INSYN2B: variants seen among roughly 807,000 people sequenced by gnomAD.
INSYN2B encodes protein INSYN2B.
In INSYN2B, 16 loss-of-function variants were observed where a neutral mutation model predicts 41.2. That is an observed-to-expected ratio of 0.39 (90% CI 0.26 to 0.59). The LOEUF (loss-of-function observed/expected upper bound fraction) is 0.59, where lower values mean the gene tolerates loss of function less well. Among genes scored for constraint, INSYN2B ranks in the 20% least tolerant of loss-of-function variants. The pLI is 0.57. For missense variants in INSYN2B, 608 were observed against 646.4 expected, an observed-to-expected ratio of 0.94 and a Z score of 0.64; for synonymous variants, 245 against 244.4, an observed-to-expected ratio of 1.00 and a Z score of -0.02.
At chr5:169,881,170 A>T (rs867161545) in intron 3 of INSYN2B, among the ~76,000 whole-genome samples, 198 bp downstream of exon 3, 2 of 152,240 alleles carry the variant, frequency 1.3e-5, no homozygotes, top group South Asian at 4.1e-4. Context: ...AGGGATGATT[A>T]CATCAAAAGG....
intron 1 of INSYN2B, among the ~76,000 whole-genome samples, chr5:169,904,385 CT>C (rs1401476582): frequency 1.2e-4 from 19 of 152,182 alleles, no homozygotes; most frequent in Non-Finnish European, 2.5e-4. Context: ...CTTGTTCTCT[CT>C]AAATCACCTA....
chr5:169,947,656 A>C (rs1458781554), intron 1 of INSYN2B, among the ~76,000 whole-genome samples: 4 of 152,222 alleles, frequency 2.6e-5, no homozygotes, highest in Non-Finnish European at 5.9e-5. Flanking sequence ...GAATATCCCC[A>C]AAAATGTAAA....
At chr5:169,946,614 GA>G (rs1203048418) in intron 1 of INSYN2B, among the ~76,000 whole-genome samples, 13 of 152,252 alleles carry the variant, frequency 8.5e-5, no homozygotes, top group Admixed American at 5.9e-4. Flanking sequence ...GTCTACTGAG[GA>G]CTCATTGTGT....
intron 1 of INSYN2B, among the ~76,000 whole-genome samples, chr5:169,939,997 A>G (rs1278657431): frequency 6.6e-6 from 1 of 152,214 alleles, no homozygotes; most frequent in African/African-American, 2.4e-5. Flanking sequence ...GTCATCTTTC[A>G]GATCTTACCT....
At chr5:169,953,142 C>G (rs1249680339) in intron 1 of INSYN2B, among the ~76,000 whole-genome samples, 1 of 151,880 alleles carries the variant, frequency 6.6e-6, no homozygotes, top group Non-Finnish European at 1.5e-5. Flanking sequence ...GCCAACATGG[C>G]GAAACCCTGT....
chr5:169,944,854 G>A (rs936601617), intron 1 of INSYN2B, among the ~76,000 whole-genome samples: 2 of 152,162 alleles, frequency 1.3e-5, no homozygotes, highest in Non-Finnish European at 2.9e-5. Context: ...TCTGCCTTGT[G>A]GGCTCCAGTT....
At position 169,883,733 on chromosome 5, in the gene INSYN2B, C is replaced by T. The variant is rs200178689; in HGVS notation, c.166G>A (p.Val56Ile). 3.8e-4 allele frequency: 594 copies of T among 1,551,550 alleles called. No individual in the cohort carries two copies. Among genetic ancestry groups the T allele is most frequent in the Non-Finnish European group, 4.9e-4 (562 of 1,146,924 alleles). Reference sequence around the variant, plus strand: ...ACAGCCGGGTCTTCTGGAGTTTGGACGTCAACCTCAGCTAGGCCAGTTGGA... The same window carrying T: ...ACAGCCGGGTCTTCTGGAGTTTGGATGTCAACCTCAGCTAGGCCAGTTGGA... Reference protein sequence around the residue: ...KNPTGLAEVDVQTPEDPAVMG... With the variant: ...KNPTGLAEVDIQTPEDPAVMG... Residue 56 changes from valine to isoleucine, a missense_variant, in exon 2 of 4, where the codon GTC becomes ATC. Physicochemically the swap from Val to Ile is conservative, Grantham distance 29. Coordinates refer to ENST00000377365, the MANE Select transcript of INSYN2B (RefSeq NM_001129891.3).
chr5:169,934,856 T>C (rs259901), intron 1 of INSYN2B: 42,300 of 382,530 alleles, frequency 0.11, 3,251 homozygotes, highest in African/African-American at 0.3. Context: ...TAAAGCATTA[T>C]ACATTGCCAA....
intron 1 of INSYN2B, among the ~76,000 whole-genome samples, chr5:169,972,813 A>T (rs1777572832): frequency 6.6e-6 from 1 of 152,214 alleles, no homozygotes. Flanking sequence ...ATGTGGACTA[A>T]GAATTACACC....
At chr5:169,893,192 G>A (rs1773395427) in intron 1 of INSYN2B, among the ~76,000 whole-genome samples, 1 of 152,214 alleles carries the variant, frequency 6.6e-6, no homozygotes, top group Non-Finnish European at 1.5e-5. Context: ...CACCTGCCCT[G>A]TAGGGACAAT....
At chr5:169,953,873 G>A (rs529418249) in intron 1 of INSYN2B, among the ~76,000 whole-genome samples, 5 of 152,268 alleles carry the variant, frequency 3.3e-5, no homozygotes, top group South Asian at 2.1e-4. Context: ...TACTTGTTCC[G>A]AGTTAGTTTC....
Position 169,884,037 on chromosome 5 carries a change from A to G in INSYN2B, c.-139T>C, listed in dbSNP as rs965029063. On this transcript the variant is annotated 5_prime_UTR_variant, in exon 2 of 4. Coordinates refer to ENST00000377365, the MANE Select transcript of INSYN2B (RefSeq NM_001129891.3). The stretch of plus-strand genomic sequence containing the variant: ...GATGGAGTGGTCCTCTCCTCTTAGT[A>G]TGGGAAATCCTGTTGGCCATTCCCA... 6 of 735,732 alleles carry G rather than the reference A, an allele frequency of 8.2e-6. No individual in the cohort carries two copies. Among genetic ancestry groups the G allele is most frequent in the African/African-American group, 5.3e-5 (3 of 56,862 alleles). 45.6% of individuals were successfully genotyped at this position (735,732 alleles called of 1,614,324 possible).
At position 169,882,480 on chromosome 5, in the gene INSYN2B, A is replaced by G. The variant is rs549690824; in HGVS notation, c.1346+73T>C. 5 of 1,306,400 alleles carry G rather than the reference A, an allele frequency of 3.8e-6. No homozygotes were observed. In the South Asian group the frequency reaches 6.2e-5, roughly 16 times the overall value. The allele number at this position is 1,306,400 out of a possible 1,614,324, so 80.9% of individuals were successfully genotyped here. Reference sequence around the variant, plus strand: ...GAGACATTTTTACTAAAAGAAACCAAAGCTGTCTCTGCCCCTGTGTTGGCA... The same window carrying G: ...GAGACATTTTTACTAAAAGAAACCAGAGCTGTCTCTGCCCCTGTGTTGGCA... On this transcript the variant is annotated intron_variant, in intron 2 of 3. Coordinates refer to ENST00000377365, the MANE Select transcript of INSYN2B (RefSeq NM_001129891.3).
chr5:169,895,864 A>T (rs936554738), intron 1 of INSYN2B, among the ~76,000 whole-genome samples: 1 of 152,200 alleles, frequency 6.6e-6, no homozygotes, highest in African/African-American at 2.4e-5. Flanking sequence ...CATAATAGAT[A>T]TAGTAAGAAT....
At chr5:169,944,263 C>T (rs1448636194) in intron 1 of INSYN2B, among the ~76,000 whole-genome samples, 1 of 152,204 alleles carries the variant, frequency 6.6e-6, no homozygotes, top group Non-Finnish European at 1.5e-5. Context: ...TTCCTGTGAC[C>T]TGCCCATGCA....
At position 169,869,697 on chromosome 5, in the gene INSYN2B, C is replaced by G. The variant is rs144663340; in HGVS notation, c.1422-5238G>C. 9.4e-3 allele frequency among the ~76,000 whole-genome samples: 1,430 copies of G among 152,252 alleles called. 21 individuals carry two copies. Among genetic ancestry groups the G allele is most frequent in the African/African-American group, 0.033 (1,355 of 41,550 alleles). Reference sequence around the variant, plus strand: ...ACCCCTTGCAAAAAGGAGTAAGTTGCCAACTTGGTGAAAATTGAAGTTAAT... The same window carrying G: ...ACCCCTTGCAAAAAGGAGTAAGTTGGCAACTTGGTGAAAATTGAAGTTAAT... On this transcript the variant is annotated intron_variant, in intron 3 of 3. Transcript: ENST00000377365.
At chr5:169,955,645 A>G (rs1453164830) in intron 1 of INSYN2B, among the ~76,000 whole-genome samples, 2 of 152,238 alleles carry the variant, frequency 1.3e-5, no homozygotes, top group Non-Finnish European at 1.5e-5. Context: ...ATGCAGGAGA[A>G]GAAGGCAGGC....
chr5:169,961,428 C>A (rs925271658), intron 1 of INSYN2B, among the ~76,000 whole-genome samples: 4 of 152,172 alleles, frequency 2.6e-5, no homozygotes, highest in African/African-American at 9.7e-5. Context: ...AACAACAGTG[C>A]AAGAATAAGT....
At chr5:169,935,389 A>T (rs259904) in intron 1 of INSYN2B, among the ~76,000 whole-genome samples, 22,715 of 152,158 alleles carry the variant, frequency 0.15, 2,386 homozygotes, top group African/African-American at 0.31. Flanking sequence ...GAGGCCTAGA[A>T]TGCCCTAGCT....
Sources: gnomAD v4.1 joint callset for allele counts (sites outside exome capture counted in the v4.1 genomes callset) on GRCh38, gnomAD v4.1.1 for gene constraint, MANE v1.5 for transcripts, NCBI Gene and HGNC (gene_info 2026-07-23, HGNC 2026-07-21) for gene names.